NOS1: variants seen among roughly 807,000 people sequenced by gnomAD.
NOS1 encodes the protein NOS type I.
A neutral mutation model predicts 164.5 loss-of-function variants in NOS1; 51 were observed. That is an observed-to-expected ratio of 0.31 (90% CI 0.25 to 0.39). The LOEUF (loss-of-function observed/expected upper bound fraction) is 0.39, where lower values mean the gene tolerates loss of function less well. NOS1 is among the 10% of genes least tolerant of loss of function. The pLI is 1.00. For missense variants in NOS1, 1,362 were observed against 1,885.6 expected, an observed-to-expected ratio of 0.72 and a Z score of 5.14; for synonymous variants, 719 against 745.8, an observed-to-expected ratio of 0.96 and a Z score of 0.59.
intron 1 of NOS1, among the ~76,000 whole-genome samples, chr12:117,358,788 GA>G (rs1045103427): frequency 2.0e-5 from 3 of 152,174 alleles, no homozygotes; most frequent in South Asian, 2.1e-4. Context: ...GGACTTTGGG[GA>G]AAAAAATCAC....
intron 1 of NOS1, among the ~76,000 whole-genome samples, chr12:117,337,622 T>C (rs1321083536): frequency 2.0e-5 from 3 of 151,906 alleles, no homozygotes. Flanking sequence ...ACCAGAAAAA[T>C]GACAAAGAGG....
At chr12:117,315,215 A>T (rs1874617244) in intron 2 of NOS1, among the ~76,000 whole-genome samples, 1 of 151,016 alleles carries the variant, frequency 6.6e-6, no homozygotes, top group Non-Finnish European at 1.5e-5. Context: ...TTTATTATTT[A>T]TTTTTTTTTA....
intron 22 of NOS1, among the ~76,000 whole-genome samples, chr12:117,229,508 A>C (rs972689651): frequency 6.6e-6 from 1 of 152,148 alleles, no homozygotes; most frequent in Admixed American, 6.5e-5. Context: ...TCCTGTCTTG[A>C]AGTCTGCACT....
chr12:117,246,604 CTT>C (rs1156668635), intron 18 of NOS1, among the ~76,000 whole-genome samples: 1 of 152,248 alleles, frequency 6.6e-6, no homozygotes, highest in African/African-American at 2.4e-5. Flanking sequence ...CACTGAAAAA[CTT>C]TTTTATCTAT....
At chr12:117,244,230 A>G (rs1870441778) in intron 18 of NOS1, among the ~76,000 whole-genome samples, 1 of 151,774 alleles carries the variant, frequency 6.6e-6, no homozygotes, top group Non-Finnish European at 1.5e-5. Context: ...TAACAATTCT[A>G]AGAATTGCTG....
Position 117,210,877 on chromosome 12 carries a change from T to A in NOS1, c.*4432A>T. The stretch of plus-strand genomic sequence containing the variant: ...GAGAAGCTGACTATCACATCAGCTC[T>A]GAAAACTCATCTTTTCCCTGAGCCT... On this transcript the variant is annotated 3_prime_UTR_variant, in exon 29 of 29. Transcript: ENST00000317775. 5 of 985,424 alleles carry A rather than the reference T, an allele frequency of 5.1e-6. No individual in the cohort carries two copies. The highest frequency in any genetic ancestry group is 6.0e-6 in the Non-Finnish European group (5 of 829,922). 61.0% of individuals were successfully genotyped at this position (985,424 alleles called of 1,614,324 possible).
intron 3 of NOS1, among the ~76,000 whole-genome samples, chr12:117,307,682 A>C (rs1449562967): frequency 6.6e-6 from 1 of 152,064 alleles, no homozygotes; most frequent in Non-Finnish European, 1.5e-5. Flanking sequence ...AATCTTTCTT[A>C]AAACATGAAC....
At chr12:117,227,890 G>A (rs1868844873) in intron 22 of NOS1, among the ~76,000 whole-genome samples, 1 of 152,058 alleles carries the variant, frequency 6.6e-6, no homozygotes. Context: ...TTAGCTGGAT[G>A]TGGTGGTGGA....
chr12:117,301,043 AG>A (rs1384259493), intron 3 of NOS1, among the ~76,000 whole-genome samples: 1 of 152,198 alleles, frequency 6.6e-6, no homozygotes. Context: ...TTGTCTTGAA[AG>A]TAGAAGTTTT....
chr12:117,215,216 C>T lies in NOS1; in HGVS notation c.*93G>A, dbSNP rs1956585933. The T allele has an allele frequency of 2.2e-6, 3 of 1,391,514 alleles. No individual in the cohort carries two copies. The African/African-American group carries it at 4.4e-5, about 20-fold the overall frequency. The allele number at this position is 1,391,514 out of a possible 1,614,324, so 86.2% of individuals were successfully genotyped here. ...AGGGCACAGCGACAAGGACAGGAGG[C>T]AGAGCGAGGGCCACAGGGGGTCCCA... is the stretch of plus-strand genomic sequence containing the variant. On this transcript the variant is annotated 3_prime_UTR_variant, in exon 29 of 29. Coordinates refer to ENST00000317775, the MANE Select transcript of NOS1 (RefSeq NM_000620.5).
rs558600600 is a variant in NOS1, at chr12:117,266,536, T to A, written c.1942-1026A>T. 1.3e-3 allele frequency among the ~76,000 whole-genome samples: 191 copies of A among 152,058 alleles called. 2 individuals carry two copies. Among genetic ancestry groups the A allele is most frequent in the African/African-American group, 4.2e-3 (174 of 41,520 alleles). On this transcript the variant is annotated intron_variant, in intron 11 of 28. Transcript: ENST00000317775. ...ATAATGACTTCTTTTAGGTTTTTTT[T>A]TTCTTTTCTTTTTTTTTTTGAGATA...
intron 3 of NOS1, chr12:117,304,924 T>C: frequency 2.5e-6 from 2 of 787,636 alleles, no homozygotes; most frequent in South Asian, 5.7e-5. Flanking sequence ...TATAGTCTCC[T>C]GTGTTAGGAA....
chr12:117,288,235 AT>A lies in NOS1; in HGVS notation c.982-17del. ...ATCCCGTTTCCTGGAAGATCAAGAG[AT>A]TTGGGGTATTGCTTGGTTTTACCCA... On this transcript the variant is annotated splice_polypyrimidine_tract_variant and intron_variant, in intron 4 of 28. Transcript: ENST00000317775. 6.2e-7 allele frequency: 1 copy of A among 1,605,926 alleles called. No homozygotes were observed. Among genetic ancestry groups the A allele is most frequent in the African/African-American group, 1.3e-5 (1 of 74,918 alleles).
chr12:117,242,788 C>A (rs895030671), intron 19 of NOS1, 83 bp from the exon 20 acceptor site: 5 of 1,249,902 alleles, frequency 4.0e-6, no homozygotes, highest in Middle Eastern at 2.1e-4. Flanking sequence ...ACGTGGCTCA[C>A]GCCCATAATC....
At position 117,211,150 on chromosome 12, in the gene NOS1, G is replaced by A. The variant is rs1956521269; in HGVS notation, c.*4159C>T. ...TTTTGTATTTTCTTAGTAGAGTCAG[G>A]GTTTCTACTAACTGGCTGACTGGTC... is the stretch of plus-strand genomic sequence containing the variant. On this transcript the variant is annotated 3_prime_UTR_variant, in exon 29 of 29. Transcript: ENST00000317775. 2 of 687,940 alleles carry A rather than the reference G, an allele frequency of 2.9e-6. No homozygotes were observed. The highest frequency in any genetic ancestry group is 3.6e-6 in the Non-Finnish European group (2 of 558,972). 42.6% of individuals were successfully genotyped at this position (687,940 alleles called of 1,614,324 possible).
chr12:117,318,184 C>A (rs1313680519), intron 2 of NOS1, among the ~76,000 whole-genome samples: 2 of 151,918 alleles, frequency 1.3e-5, no homozygotes, highest in African/African-American at 4.8e-5. Context: ...ACACACACAC[C>A]CCTCAGATTT....
chr12:117,345,435 G>A (rs978705307), intron 1 of NOS1, among the ~76,000 whole-genome samples: 6 of 152,036 alleles, frequency 3.9e-5, no homozygotes, highest in Admixed American at 6.6e-5. Flanking sequence ...AAAATTATCC[G>A]CCTCCTGAGG....
At chr12:117,360,536 T>C (rs762086054) in intron 1 of NOS1, among the ~76,000 whole-genome samples, 1 of 152,148 alleles carries the variant, frequency 6.6e-6, no homozygotes, top group Non-Finnish European at 1.5e-5. Flanking sequence ...TACACCCCAA[T>C]CTCGCCCAGA....
At chr12:117,319,642 T>A (rs899093696) in intron 2 of NOS1, among the ~76,000 whole-genome samples, 10 of 152,208 alleles carry the variant, frequency 6.6e-5, no homozygotes, top group Non-Finnish European at 1.3e-4. Context: ...GATTTTTTTT[T>A]AAGAGGTTGG....
Sources: gnomAD v4.1 joint callset for allele counts (sites outside exome capture counted in the v4.1 genomes callset) on GRCh38, gnomAD v4.1.1 for gene constraint, MANE v1.5 for transcripts, NCBI Gene and HGNC (gene_info 2026-07-23, HGNC 2026-07-21) for gene names.